CC2D2B: variants seen among roughly 807,000 people sequenced by gnomAD.
The protein encoded by CC2D2B is protein CC2D2B.
CC2D2B carries 128 observed loss-of-function variants against 161.2 expected under a neutral mutation model. That is an observed-to-expected ratio of 0.79 (90% confidence interval 0.69 to 0.92). CC2D2B has a LOEUF of 0.92. Among genes scored for constraint, CC2D2B ranks in the 40% least tolerant of loss-of-function variants. The probability of loss-of-function intolerance (pLI) is 0.00; values close to 1 mark genes in which losing one functional copy is unlikely to be tolerated. For missense variants in CC2D2B, 1,173 were observed against 1,375.1 expected (o/e 0.85, Z 2.32); for synonymous variants, 391 against 449.8 (o/e 0.87, Z 1.65).
intron 2 of CC2D2B, chr10:95,919,453 G>A (rs997135429): frequency 5.9e-5 from 9 of 152,224 alleles, no homozygotes; most frequent in Non-Finnish European, 1.0e-4. Flanking sequence ...TGGATTACCA[G>A]GCAGGGTTTC....
At chr10:95,989,012 T>C (rs1035208123) in intron 20 of CC2D2B, among the ~76,000 whole-genome samples, 5 of 152,226 alleles carry the variant, frequency 3.3e-5, no homozygotes, top group African/African-American at 1.2e-4. Flanking sequence ...AGGTGGTTTC[T>C]ACAACTCCTA....
chr10:96,025,154 A>AATATATAT (rs1175038678), intron 33 of CC2D2B, among the ~76,000 whole-genome samples: 2 of 20,084 alleles, frequency 1.0e-4, no homozygotes, highest in Non-Finnish European at 7.8e-5. Flanking sequence ...ACTAAAAAAA[A>AATATATAT]ATATATATAT....
chr10:95,967,251 A>G (rs985400627), intron 14 of CC2D2B, among the ~76,000 whole-genome samples: 3 of 152,134 alleles, frequency 2.0e-5, no homozygotes, highest in African/African-American at 7.2e-5. Flanking sequence ...GAGATACTTT[A>G]TTATGTAGGA....
chr10:95,970,178 T>C (rs1023538686), intron 15 of CC2D2B, among the ~76,000 whole-genome samples: 3 of 151,936 alleles, frequency 2.0e-5, no homozygotes, highest in African/African-American at 4.8e-5. Context: ...GGGATACAGA[T>C]GCCCACCACC....
chr10:95,936,529 A>G (rs1252735086), intron 6 of CC2D2B, among the ~76,000 whole-genome samples: 1 of 152,172 alleles, frequency 6.6e-6, no homozygotes, highest in Admixed American at 6.6e-5. Context: ...ACTCACTTGT[A>G]TCCATCTAGA....
At chr10:96,005,791 A>C (rs2078721638) in intron 25 of CC2D2B, among the ~76,000 whole-genome samples, 1 of 152,160 alleles carries the variant, frequency 6.6e-6, no homozygotes, top group African/African-American at 2.4e-5. Flanking sequence ...CAGATTTAAA[A>C]CTTAGATTAA....
At chr10:96,017,765 TATAAATAA>T (rs35257012) in intron 30 of CC2D2B, among the ~76,000 whole-genome samples, 4 of 149,204 alleles carry the variant, frequency 2.7e-5, no homozygotes, top group African/African-American at 1.0e-4. Context: ...ACCCCACCTC[TATAAATAA>T]ATAAATAAAT....
intron 6 of CC2D2B, among the ~76,000 whole-genome samples, chr10:95,931,312 T>C (rs755113852): frequency 4.6e-5 from 7 of 152,212 alleles, no homozygotes; most frequent in Non-Finnish European, 8.8e-5. Context: ...GTCTATTTTG[T>C]TAATCTTTTC....
chr10:96,027,221 G>A lies in CC2D2B; in HGVS notation c.3957G>A (p.Arg1319=). Residue 1319 remains arginine, a synonymous_variant, in exon 34 of 35, where the codon AGG becomes AGA. Transcript: ENST00000646931. ...TGGATTCTTACCTTAGGATCGAAAG[G>A]ACTCTGAAGAGTAAAGTGATGGAAT... is the stretch of plus-strand genomic sequence containing the variant. ...MVEDLRNRIE[R]TLKSKVMEWR... 6.5e-7 allele frequency: 1 copy of A among 1,532,960 alleles called. No individual in the cohort carries two copies. The highest frequency in any genetic ancestry group is 1.4e-5 in the African/African-American group (1 of 72,288). The allele number at this position is 1,532,960 out of a possible 1,614,324, so 95.0% of individuals were successfully genotyped here.
At chr10:96,013,146 G>A (rs937737077) in intron 28 of CC2D2B, among the ~76,000 whole-genome samples, 1 of 152,152 alleles carries the variant, frequency 6.6e-6, no homozygotes. Flanking sequence ...ATAAATGGCA[G>A]CTATTCAACA....
Position 95,938,116 on chromosome 10 carries a change from T to G in CC2D2B, c.462T>G (p.Ala154=). The G allele has an allele frequency of 6.5e-7, 1 of 1,549,954 alleles. No individual in the cohort carries two copies. The highest frequency in any genetic ancestry group is 8.7e-7 in the Non-Finnish European group (1 of 1,145,472). ...FILTDILKVK[A]ADYEDDQEQI... is the part of the protein sequence containing the mutation. ...TGACAGATATACTCAAAGTAAAAGC[T>G]GCTGACTATGAAGATGATCAAGAAC... Residue 154 remains alanine (A), a synonymous_variant, in exon 7 of 35, where the codon GCT becomes GCG. Transcript: ENST00000646931.
intron 2 of CC2D2B, among the ~76,000 whole-genome samples, chr10:95,914,794 T>G (rs1303455240): frequency 6.6e-6 from 1 of 152,184 alleles, no homozygotes; most frequent in Non-Finnish European, 1.5e-5. Context: ...TTACCCAGTC[T>G]CAGGTATTTC....
chr10:95,982,416 G>A (rs2077563002), intron 18 of CC2D2B, among the ~76,000 whole-genome samples: 1 of 152,134 alleles, frequency 6.6e-6, no homozygotes, highest in African/African-American at 2.4e-5. Flanking sequence ...CCATGTGCCA[G>A]CCATGGTATT....
At chr10:95,984,084 G>A (rs1200230018) in intron 19 of CC2D2B, among the ~76,000 whole-genome samples, 2 of 152,076 alleles carry the variant, frequency 1.3e-5, no homozygotes, top group African/African-American at 4.8e-5. Context: ...TTATATTTTT[G>A]TTATCATAAA....
chr10:95,982,401 A>C (rs1298420772), intron 18 of CC2D2B, among the ~76,000 whole-genome samples: 1 of 152,224 alleles, frequency 6.6e-6, no homozygotes. Flanking sequence ...TCTATTGTGC[A>C]GTTACCATGT....
Position 95,972,219 on chromosome 10 carries a change from G to C in CC2D2B, c.1795+3G>C. The C allele has an allele frequency of 8.1e-7, 1 of 1,231,714 alleles. No individual in the cohort carries two copies. The highest frequency in any genetic ancestry group is 1.0e-6 in the Non-Finnish European group (1 of 987,652). The allele number at this position is 1,231,714 out of a possible 1,614,324, so 76.3% of individuals were successfully genotyped here. On this transcript the variant is annotated splice_donor_region_variant and intron_variant, in intron 16 of 34. Transcript: ENST00000646931. ...TGCCGATGGAGAAGTAGGAAGCAGT[G>C]AGTTTATTAAAAATATTACATTCCC... is the stretch of plus-strand genomic sequence containing the variant.
intron 2 of CC2D2B, among the ~76,000 whole-genome samples, chr10:95,917,424 G>A (rs1018213780): frequency 6.6e-6 from 1 of 151,924 alleles, no homozygotes; most frequent in Non-Finnish European, 1.5e-5. Flanking sequence ...TTGTTTTCTG[G>A]TTGTTCTGTC....
At chr10:96,004,344 C>T in intron 25 of CC2D2B, 96 bp downstream of exon 25, 1 of 655,642 alleles carries the variant, frequency 1.5e-6, no homozygotes, top group Admixed American at 3.1e-5. Context: ...CTTTTAGATG[C>T]AATGTCTACA....
intron 16 of CC2D2B, among the ~76,000 whole-genome samples, chr10:95,972,765 T>G (rs575720221): frequency 6.6e-6 from 1 of 152,326 alleles, no homozygotes; most frequent in Admixed American, 6.5e-5. Context: ...AAGGACAGAA[T>G]GCTGTCTGGA....
Sources: gnomAD v4.1 joint callset for allele counts (sites outside exome capture counted in the v4.1 genomes callset) on GRCh38, gnomAD v4.1.1 for gene constraint, MANE v1.5 for transcripts, NCBI Gene and HGNC (gene_info 2026-07-23, HGNC 2026-07-21) for gene names.